The following KHDRBS2 variants were observed in gnomAD, a reference collection of about 807,000 sequenced individuals.
The protein encoded by KHDRBS2 is KH domain-containing, RNA-binding, signal transduction-associated protein 2.
Under a neutral mutation model 44.3 loss-of-function variants are expected in KHDRBS2, and 26 were observed. That is an observed-to-expected ratio of 0.59 (90% CI 0.43 to 0.81). The LOEUF (loss-of-function observed/expected upper bound fraction) is 0.81, where lower values mean the gene tolerates loss of function less well. KHDRBS2 is among the 40% of genes least tolerant of loss of function. The pLI is 0.00. For missense variants in KHDRBS2, 476 were observed against 433.1 expected, an observed-to-expected ratio of 1.10 and a Z score of -0.88; for synonymous variants, 194 against 151.1, an observed-to-expected ratio of 1.28 and a Z score of -2.08.
At chr6:61,766,171 G>A (rs755760341) in intron 6 of KHDRBS2, among the ~76,000 whole-genome samples, 1 of 151,478 alleles carries the variant, frequency 6.6e-6, no homozygotes, top group African/African-American at 2.4e-5. Context: ...TATTGGTCTG[G>A]TCAAATTTTA....
chr6:61,999,834 G>A (rs1412916392), intron 3 of KHDRBS2, among the ~76,000 whole-genome samples: 4 of 151,850 alleles, frequency 2.6e-5, no homozygotes, highest in African/African-American at 9.7e-5. Context: ...AAAAAACATT[G>A]TATTAATAAC....
intron 6 of KHDRBS2, among the ~76,000 whole-genome samples, chr6:61,867,805 C>T (rs377199726): frequency 2.8e-4 from 42 of 152,170 alleles, no homozygotes; most frequent in African/African-American, 9.7e-4. Context: ...CCAAGATGGC[C>T]GCCTGCCCCA....
intron 6 of KHDRBS2, among the ~76,000 whole-genome samples, chr6:61,879,999 T>A (rs973861518): frequency 1.6e-4 from 24 of 152,018 alleles, no homozygotes; most frequent in African/African-American, 5.8e-4. Flanking sequence ...TCTGATTTAA[T>A]ATTTGAGACA....
chr6:62,118,415 C>A (rs775869621), intron 2 of KHDRBS2, among the ~76,000 whole-genome samples: 2 of 151,938 alleles, frequency 1.3e-5, no homozygotes, highest in African/African-American at 2.4e-5. Context: ...GGACTTTTTT[C>A]TTTTTTTATT....
At chr6:61,759,087 T>C (rs1256219393) in intron 6 of KHDRBS2, among the ~76,000 whole-genome samples, 2 of 152,162 alleles carry the variant, frequency 1.3e-5, no homozygotes, top group Non-Finnish European at 2.9e-5. Context: ...TATAAAATGT[T>C]TGATTTTCAA....
rs1464570464 is a variant in KHDRBS2, at chr6:62,261,629, T to TTTA, written c.91+24228_91+24229insTAA. Among the ~76,000 whole-genome samples the TTTA allele has an allele frequency of 2.0e-5, 3 of 151,848 alleles. No individual in the cohort carries two copies. In the South Asian group the frequency reaches 6.2e-4, roughly 31 times the overall value. The stretch of plus-strand genomic sequence containing the variant: ...CAAGTGCTACAGAAGGAAGAAGTAA[T>TTTA]GTCTTTTGTTACCATTTTAGGTAAA... On this transcript the variant is annotated intron_variant, in intron 1 of 8. Transcript: ENST00000281156.
chr6:61,695,873 C>T (rs1486336951), intron 8 of KHDRBS2, among the ~76,000 whole-genome samples: 1 of 152,054 alleles, frequency 6.6e-6, no homozygotes, highest in Non-Finnish European at 1.5e-5. Context: ...CTTCGCCAGC[C>T]TGATGCAGCA....
intron 6 of KHDRBS2, among the ~76,000 whole-genome samples, chr6:61,887,747 T>C (rs1479705397): frequency 6.6e-6 from 1 of 152,204 alleles, no homozygotes; most frequent in Non-Finnish European, 1.5e-5. Flanking sequence ...AAGAACTCCT[T>C]TGAGATTTTC....
chr6:61,877,104 G>C (rs936365831), intron 6 of KHDRBS2, among the ~76,000 whole-genome samples: 3 of 151,966 alleles, frequency 2.0e-5, no homozygotes, highest in Non-Finnish European at 2.9e-5. Flanking sequence ...GAGTTGAGTA[G>C]TCATGATAGA....
At chr6:61,647,196 T>G in the KHDRBS2 span, among the ~76,000 whole-genome samples, 1 of 152,134 alleles carries the variant, frequency 6.6e-6, no homozygotes, top group Non-Finnish European at 1.5e-5. Context: ...GAGGATAAAA[T>G]AAGATCAATG....
intron 2 of KHDRBS2, among the ~76,000 whole-genome samples, chr6:62,062,010 G>C (rs1792059621): frequency 6.6e-6 from 1 of 151,730 alleles, no homozygotes; most frequent in African/African-American, 2.4e-5. Context: ...CTCGAGCCTT[G>C]GTTTTCAGCT....
intron 7 of KHDRBS2, among the ~76,000 whole-genome samples, chr6:61,703,587 A>G (rs1290194432): frequency 6.6e-6 from 1 of 151,874 alleles, no homozygotes; most frequent in Admixed American, 6.6e-5. Flanking sequence ...CCATCCTCAA[A>G]TTGCAAATTG....
rs1173931523 is a variant in KHDRBS2 at position 61,960,797 on chromosome 6, G to A, written c.483+17269C>T. ...TTTGAGAACAAATTTTAAGATTAAA[G>A]GCTTAATCTTCATGAGGTAAAGAGT... is the stretch of plus-strand genomic sequence containing the variant. On this transcript the variant is annotated intron_variant, in intron 4 of 8. Transcript: ENST00000281156. Among the ~76,000 whole-genome samples the A allele has an allele frequency of 8.5e-5, 13 of 152,134 alleles. No homozygotes were observed. The South Asian group carries it at 1.9e-3, about 22-fold the overall frequency.
At chr6:62,165,337 T>A (rs1818459634) in intron 2 of KHDRBS2, among the ~76,000 whole-genome samples, 1 of 150,428 alleles carries the variant, frequency 6.6e-6, no homozygotes, top group African/African-American at 2.4e-5. Flanking sequence ...AAGATAGGGA[T>A]CTGGTCTTCC....
intron 3 of KHDRBS2, among the ~76,000 whole-genome samples, chr6:62,014,026 G>A (rs1780764320): frequency 6.6e-6 from 1 of 152,142 alleles, no homozygotes; most frequent in Non-Finnish European, 1.5e-5. Flanking sequence ...TGATTGACAG[G>A]TCTGAAAACT....
At chr6:61,596,476 G>A in the KHDRBS2 span, among the ~76,000 whole-genome samples, 1 of 152,042 alleles carries the variant, frequency 6.6e-6, no homozygotes, top group African/African-American at 2.4e-5. Flanking sequence ...TAGTCCTATA[G>A]CTACTCAGAC....
At chr6:62,239,297 G>A (rs1470309409) in intron 1 of KHDRBS2, among the ~76,000 whole-genome samples, 2 of 152,176 alleles carry the variant, frequency 1.3e-5, no homozygotes, top group African/African-American at 2.4e-5. Context: ...GTATGGCTGA[G>A]CACGGTGGCT....
intron 1 of KHDRBS2, among the ~76,000 whole-genome samples, chr6:62,210,778 T>C (rs552421569): frequency 1.4e-4 from 21 of 152,108 alleles, no homozygotes; most frequent in Non-Finnish European, 1.9e-4. Flanking sequence ...AATAATAACA[T>C]AATCATTAAT....
chr6:61,689,322 T>C (rs1430232318), intron 8 of KHDRBS2, among the ~76,000 whole-genome samples: 1 of 151,928 alleles, frequency 6.6e-6, no homozygotes, highest in Non-Finnish European at 1.5e-5. Context: ...TCCTTTTTCC[T>C]TTGAGTTGTT....
Sources: allele counts gnomAD v4.1 joint callset (sites outside exome capture counted in the v4.1 genomes callset), GRCh38; gene constraint gnomAD v4.1.1; transcripts MANE v1.5; gene names NCBI Gene and HGNC (gene_info 2026-07-23, HGNC 2026-07-21).